Variants in FARS2 observed in about 807,000 individuals in gnomAD.
The protein encoded by FARS2 is phenylalanine--tRNA ligase, mitochondrial.
FARS2 carries 40 observed loss-of-function variants against 46.4 expected under a neutral mutation model. The observed-to-expected ratio is 0.86, with a 90% CI of 0.67 to 1.12. FARS2 has a LOEUF of 1.12. FARS2 is among the 50% of genes most tolerant of loss of function. FARS2 has a pLI of 0.00. For synonymous variants in FARS2, 234 were observed against 214.9 expected, an observed-to-expected ratio of 1.09 and a Z score of -0.78; for missense variants, 513 against 567.9, an observed-to-expected ratio of 0.90 and a Z score of 0.98.
chr6:5,682,799 G>T (rs1421585350), intron 6 of FARS2, among the ~76,000 whole-genome samples: 1 of 152,228 alleles, frequency 6.6e-6, no homozygotes, highest in African/African-American at 2.4e-5. Context: ...TCTGCAGTGT[G>T]ATTTCAAGTA....
chr6:5,437,220 T>C (rs1038786556), intron 4 of FARS2, among the ~76,000 whole-genome samples: 3 of 152,250 alleles, frequency 2.0e-5, no homozygotes, highest in African/African-American at 7.2e-5. Flanking sequence ...GATTTATCCA[T>C]GTTGTGTGTA....
At chr6:5,313,302 A>G (rs1385758143) in intron 1 of FARS2, among the ~76,000 whole-genome samples, 4 of 152,210 alleles carry the variant, frequency 2.6e-5, no homozygotes, top group African/African-American at 9.6e-5. Context: ...TACTCAGACT[A>G]CCATCAGCTG....
At chr6:5,480,642 A>T (rs1036158708) in intron 4 of FARS2, among the ~76,000 whole-genome samples, 4 of 152,190 alleles carry the variant, frequency 2.6e-5, no homozygotes, top group African/African-American at 9.7e-5. Context: ...GAAATTGTCA[A>T]AGATCTGGAG....
intron 5 of FARS2, among the ~76,000 whole-genome samples, chr6:5,604,589 T>C (rs1036149191): frequency 1.3e-5 from 2 of 152,154 alleles, no homozygotes; most frequent in African/African-American, 4.8e-5. Flanking sequence ...GGGTTTCTCT[T>C]CTAGCCCATA....
At chr6:5,395,809 A>G (rs1190576091) in intron 2 of FARS2, among the ~76,000 whole-genome samples, 1 of 152,212 alleles carries the variant, frequency 6.6e-6, no homozygotes, top group Non-Finnish European at 1.5e-5. Flanking sequence ...TCCTTGTAGT[A>G]ACATTTGTTG....
At chr6:5,280,868 G>C (rs892415184) in intron 1 of FARS2, among the ~76,000 whole-genome samples, 2 of 152,110 alleles carry the variant, frequency 1.3e-5, no homozygotes, top group Non-Finnish European at 1.5e-5. Context: ...GTTTAGTTAA[G>C]AAGTATGTAG....
chr6:5,292,408 A>G (rs1767567756), intron 1 of FARS2, among the ~76,000 whole-genome samples: 1 of 152,190 alleles, frequency 6.6e-6, no homozygotes, highest in Admixed American at 6.5e-5. Flanking sequence ...TCAGTGAGAG[A>G]TGATGAAGTC....
At chr6:5,430,962 G>T (rs916891777) in intron 3 of FARS2, 79 bp from the exon 4 acceptor site, 16 of 1,467,692 alleles carry the variant, frequency 1.1e-5, no homozygotes, top group Non-Finnish European at 1.5e-5. Flanking sequence ...GGTGTCATTA[G>T]TAGAAGGGAA....
chr6:5,610,311 T>TTA (rs1554115959), intron 5 of FARS2: 622 of 297,788 alleles, frequency 2.1e-3, no homozygotes, highest in East Asian at 0.013. Context: ...CAATTCTTTT[T>TTA]AAAAAAAAAA....
chr6:5,347,211 G>T (rs1290256479), intron 1 of FARS2, among the ~76,000 whole-genome samples: 1 of 152,062 alleles, frequency 6.6e-6, no homozygotes, highest in Non-Finnish European at 1.5e-5. Context: ...AGTGTGCCTG[G>T]CCCATTCATT....
intron 2 of FARS2, among the ~76,000 whole-genome samples, chr6:5,403,454 A>G (rs1452449929): frequency 6.6e-6 from 1 of 152,172 alleles, no homozygotes; most frequent in Non-Finnish European, 1.5e-5. Context: ...TTCAGTTGAT[A>G]GGTTAGATAG....
intron 6 of FARS2, among the ~76,000 whole-genome samples, chr6:5,699,226 T>A (rs1453358151): frequency 6.6e-6 from 1 of 152,168 alleles, no homozygotes; most frequent in East Asian, 1.9e-4. Flanking sequence ...CTTCTCTTGT[T>A]CTCTCTCATT....
intron 6 of FARS2, among the ~76,000 whole-genome samples, chr6:5,719,153 C>A (rs931422759): frequency 6.6e-6 from 1 of 151,970 alleles, no homozygotes; most frequent in Non-Finnish European, 1.5e-5. Context: ...GAGGCTGAGG[C>A]AAGAGGATAG....
chr6:5,289,225 A>T (rs1199347002), intron 1 of FARS2, among the ~76,000 whole-genome samples: 2 of 152,202 alleles, frequency 1.3e-5, no homozygotes, highest in Non-Finnish European at 2.9e-5. Context: ...AAGTTTGAGT[A>T]CTCTATGCTT....
chr6:5,438,253 C>CA (rs1763648472), intron 4 of FARS2, among the ~76,000 whole-genome samples: 1 of 84,084 alleles, frequency 1.2e-5, no homozygotes. Flanking sequence ...CCCGCCCCCC[C>CA]CCCCATTTTT....
At chr6:5,614,032 G>A (rs1431922259) in intron 6 of FARS2, among the ~76,000 whole-genome samples, 2 of 152,052 alleles carry the variant, frequency 1.3e-5, no homozygotes, top group African/African-American at 2.4e-5. Context: ...CCAAGAACAC[G>A]GCAGCTCAAG....
chr6:5,491,822 G>C (rs898450730), intron 4 of FARS2, among the ~76,000 whole-genome samples: 4 of 152,096 alleles, frequency 2.6e-5, no homozygotes, highest in Non-Finnish European at 5.9e-5. Flanking sequence ...TCACATGTAA[G>C]TATAAAGCAC....
intron 6 of FARS2, among the ~76,000 whole-genome samples, chr6:5,726,071 CT>C (rs1484531603): frequency 1.3e-5 from 2 of 152,196 alleles, no homozygotes; most frequent in Non-Finnish European, 2.9e-5. Flanking sequence ...AGAGGCCTGA[CT>C]TTAAAAGACT....
At chr6:5,436,135 AAGAGAAGGATT>A (rs1763509555) in intron 4 of FARS2, among the ~76,000 whole-genome samples, 1 of 152,204 alleles carries the variant, frequency 6.6e-6, no homozygotes, top group South Asian at 2.1e-4. Context: ...ATGTGTGGGG[AAGAGAAGGATT>A]AGAGAAGGTG....
Sources: gnomAD v4.1 joint callset for allele counts (sites outside exome capture counted in the v4.1 genomes callset) on GRCh38, gnomAD v4.1.1 for gene constraint, MANE v1.5 for transcripts, NCBI Gene and HGNC (gene_info 2026-07-23, HGNC 2026-07-21) for gene names.